The following LRCH1 variants were observed in gnomAD, a reference collection of about 807,000 sequenced individuals.
LRCH1 encodes the protein leucine-rich repeat and calponin homology domain-containing protein 1.
A neutral mutation model predicts 94.9 loss-of-function variants in LRCH1; 23 were observed. That is an observed-to-expected ratio of 0.24 (90% CI 0.17 to 0.34). The LOEUF (loss-of-function observed/expected upper bound fraction) is 0.34, where lower values mean the gene tolerates loss of function less well. Among genes scored for constraint, LRCH1 ranks in the 10% least tolerant of loss-of-function variants. LRCH1 has a pLI of 1.00. For missense variants in LRCH1, 790 were observed against 945.9 expected, an observed-to-expected ratio of 0.84 and a Z score of 2.16; for synonymous variants, 364 against 354.9, an observed-to-expected ratio of 1.03 and a Z score of -0.29.
chr13:46,566,578 A>G (rs1370479641), intron 1 of LRCH1, among the ~76,000 whole-genome samples: 1 of 152,230 alleles, frequency 6.6e-6, no homozygotes, highest in Non-Finnish European at 1.5e-5. Context: ...CAAGTTAGGC[A>G]GTCAGAGTAT....
intron 17 of LRCH1, among the ~76,000 whole-genome samples, chr13:46,725,867 A>G (rs1231054289): frequency 6.6e-6 from 1 of 152,212 alleles, no homozygotes; most frequent in African/African-American, 2.4e-5. Flanking sequence ...CTAAGATCAG[A>G]AGCTGAGCTA....
chr13:46,559,525 A>T (rs1315529910), intron 1 of LRCH1, among the ~76,000 whole-genome samples: 1 of 152,220 alleles, frequency 6.6e-6, no homozygotes, highest in African/African-American at 2.4e-5. Context: ...AATCACGTCT[A>T]GATGGGCCCT....
chr13:46,745,368 G>C (rs938424768), downstream of LRCH1, among the ~76,000 whole-genome samples: 2 of 151,998 alleles, frequency 1.3e-5, no homozygotes, highest in African/African-American at 4.8e-5. Context: ...GTGGTGGAAC[G>C]GGTACAGGAT....
At chr13:46,650,411 C>A in intron 2 of LRCH1, 66 bp downstream of exon 2, 1 of 1,386,552 alleles carries the variant, frequency 7.2e-7, no homozygotes, top group East Asian at 2.5e-5. Context: ...GCTTTCATTT[C>A]TATCCATTTT....
intron 2 of LRCH1, among the ~76,000 whole-genome samples, chr13:46,660,049 T>TTTTTTTTTTG (rs1430696663): frequency 6.7e-6 from 1 of 149,170 alleles, no homozygotes; most frequent in African/African-American, 2.5e-5. Flanking sequence ...TTTTTTTTTT[T>TTTTTTTTTTG]GAGACAGGCT....
At chr13:46,633,777 C>T (rs1050922343) in intron 1 of LRCH1, among the ~76,000 whole-genome samples, 1 of 152,108 alleles carries the variant, frequency 6.6e-6, no homozygotes, top group Admixed American at 6.6e-5. Context: ...ATACTCTCTA[C>T]TTGGTTGCTC....
chr13:46,566,806 G>A (rs1042554900), intron 1 of LRCH1, among the ~76,000 whole-genome samples: 3 of 152,132 alleles, frequency 2.0e-5, no homozygotes, highest in African/African-American at 7.2e-5. Context: ...AGTAGGACCC[G>A]GATTCCTGAC....
intron 2 of LRCH1, among the ~76,000 whole-genome samples, chr13:46,657,883 A>G (rs968387694): frequency 4.0e-5 from 6 of 151,374 alleles, no homozygotes; most frequent in Non-Finnish European, 8.8e-5. Flanking sequence ...ACACCATCAG[A>G]TCTGAGCCCT....
chr13:46,710,610 G>A (rs1330039839), intron 13 of LRCH1, among the ~76,000 whole-genome samples: 1 of 152,176 alleles, frequency 6.6e-6, no homozygotes, highest in Non-Finnish European at 1.5e-5. Flanking sequence ...TTACTTGTTA[G>A]CAGCTCTAAC....
downstream of LRCH1, among the ~76,000 whole-genome samples, chr13:46,749,860 C>CA (rs537346275): frequency 4.5e-4 from 69 of 152,322 alleles, 1 homozygote; most frequent in South Asian, 0.014. Context: ...AGGAGGGACT[C>CA]ACGCTTACTG....
intron 1 of LRCH1, among the ~76,000 whole-genome samples, chr13:46,626,968 A>G (rs1265208720): frequency 6.6e-6 from 1 of 152,178 alleles, no homozygotes; most frequent in Non-Finnish European, 1.5e-5. Context: ...TTTATGAGTC[A>G]TCCTCAAATT....
chr13:46,584,978 T>A (rs1405286015), intron 1 of LRCH1, among the ~76,000 whole-genome samples: 2 of 152,022 alleles, frequency 1.3e-5, no homozygotes, highest in Admixed American at 6.5e-5. Context: ...TTCATACAAC[T>A]AAGCAATGAA....
chr13:46,719,859 G>C (rs575554205), intron 16 of LRCH1, among the ~76,000 whole-genome samples: 74 of 151,882 alleles, frequency 4.9e-4, no homozygotes, highest in African/African-American at 1.8e-3. Flanking sequence ...TTAGCCAGGC[G>C]TGGTGGCAGG....
At chr13:46,665,319 A>G (rs1333929621) in intron 2 of LRCH1, among the ~76,000 whole-genome samples, 1 of 152,206 alleles carries the variant, frequency 6.6e-6, no homozygotes, top group Non-Finnish European at 1.5e-5. Context: ...TAGTCAAAAT[A>G]CATCAAAATA....
intron 1 of LRCH1, among the ~76,000 whole-genome samples, chr13:46,609,684 C>CACA (rs1384492109): frequency 6.6e-6 from 1 of 152,184 alleles, no homozygotes; most frequent in African/African-American, 2.4e-5. Flanking sequence ...ACTGGGTGAA[C>CACA]ACAACAGAGG....
chr13:46,589,983 CTGAT>C (rs886932091), intron 1 of LRCH1, among the ~76,000 whole-genome samples: 5 of 150,450 alleles, frequency 3.3e-5, no homozygotes, highest in African/African-American at 1.2e-4. Context: ...GAGGATGTGT[CTGAT>C]TGTTTCCTGT....
At chr13:46,699,512 T>A in intron 10 of LRCH1, 109 bp downstream of exon 10, 1 of 923,316 alleles carries the variant, frequency 1.1e-6, no homozygotes, top group Admixed American at 1.9e-5. Flanking sequence ...GTGGGCAAGC[T>A]GATATTCTTA....
At position 46,743,744 on chromosome 13, in the gene LRCH1, A is replaced by G. The variant is rs1264980941; in HGVS notation, c.*1896A>G. 5.1e-6 allele frequency: 5 copies of G among 985,182 alleles called. No homozygotes were observed. Among genetic ancestry groups the G allele is most frequent in the Non-Finnish European group, 6.0e-6 (5 of 829,826 alleles). The allele number at this position is 985,182 out of a possible 1,614,324, so 61.0% of individuals were successfully genotyped here. A position where few individuals can be genotyped will look rare whatever the true frequency, so the allele number is the denominator to read the frequency against. The stretch of plus-strand genomic sequence containing the variant: ...CTGGGGAGAAAATGGGAAAAAAAAA[A>G]AGAAAACTTACTGGGTTGCCACCTT... On this transcript the variant is annotated 3_prime_UTR_variant, in exon 20 of 20. Transcript: ENST00000389797.
At chr13:46,636,480 C>T (rs967192433) in intron 1 of LRCH1, among the ~76,000 whole-genome samples, 7 of 152,178 alleles carry the variant, frequency 4.6e-5, no homozygotes, top group Admixed American at 2.6e-4. Flanking sequence ...ATTCTGTACC[C>T]AGTAAACATT....
Sources: gnomAD v4.1 joint callset for allele counts (sites outside exome capture counted in the v4.1 genomes callset) on GRCh38, gnomAD v4.1.1 for gene constraint, MANE v1.5 for transcripts, NCBI Gene and HGNC (gene_info 2026-07-23, HGNC 2026-07-21) for gene names.